The following PDLIM1 variants were observed in gnomAD, a reference collection of about 807,000 sequenced individuals.
The protein encoded by PDLIM1 is PDZ and LIM domain protein 1.
In PDLIM1, 25 loss-of-function variants were observed where a neutral mutation model predicts 35.2. The ratio of observed to expected loss-of-function variants is 0.71; its 90% CI spans 0.52 to 0.99. The LOEUF (loss-of-function observed/expected upper bound fraction) is 0.99. Ranked by LOEUF, PDLIM1 falls within the 50% of genes least tolerant of loss-of-function variation. PDLIM1 has a pLI of 0.00. For missense variants in PDLIM1, 363 were observed against 415.3 expected (o/e 0.87, Z 1.09); for synonymous variants, 152 against 154.0 (o/e 0.99, Z 0.10).
intron 4 of PDLIM1, among the ~76,000 whole-genome samples, chr10:95,250,373 C>T (rs2133415061): frequency 6.6e-6 from 1 of 151,722 alleles, no homozygotes; most frequent in Middle Eastern, 3.4e-3. Context: ...AAAAAACTTA[C>T]CATTTTTCTC....
intron 4 of PDLIM1, among the ~76,000 whole-genome samples, chr10:95,250,974 T>A (rs1438008352): frequency 6.6e-6 from 1 of 152,322 alleles, no homozygotes; most frequent in East Asian, 1.9e-4. Flanking sequence ...CGTAGGAGGA[T>A]CCTAGTGGTC....
At chr10:95,271,581 C>A in intron 2 of PDLIM1, 52 bp downstream of exon 2, 1 of 1,518,726 alleles carries the variant, frequency 6.6e-7, no homozygotes, top group Non-Finnish European at 8.9e-7. Context: ...TCCCTGCCCA[C>A]AAACAGCTTC....
At chr10:95,263,755 C>G in intron 4 of PDLIM1, 109 bp downstream of exon 4, 1 of 717,782 alleles carries the variant, frequency 1.4e-6, no homozygotes, top group Non-Finnish European at 2.3e-6. Flanking sequence ...CTAATGTAGT[C>G]ATTTTTCTCC....
intron 6 of PDLIM1, 45 bp downstream of exon 6, chr10:95,238,523 C>T (rs1589503536): frequency 8.3e-7 from 1 of 1,208,078 alleles, no homozygotes; most frequent in East Asian, 2.3e-5. Flanking sequence ...TCATGGTTTA[C>T]CCAACCTGCA....
In PDLIM1 at chr10:95,237,698, T is replaced by C. The variant is rs2035137571; in HGVS notation, c.*227A>G. Reference sequence around the variant, plus strand: ...AACGGTGGGGCGAAGGGACACAGTGTTGCTGACAAGGTGACACTGAACAAA... The same window carrying C: ...AACGGTGGGGCGAAGGGACACAGTGCTGCTGACAAGGTGACACTGAACAAA... On this transcript the variant is annotated 3_prime_UTR_variant, in exon 7 of 7. Transcript: ENST00000329399. 3.8e-6 allele frequency: 2 copies of C among 530,610 alleles called. No individual in the cohort carries two copies. Among genetic ancestry groups the C allele is most frequent in the Admixed American group, 6.5e-5 (2 of 30,582 alleles). 32.9% of individuals were successfully genotyped at this position (530,610 alleles called of 1,614,324 possible).
intron 4 of PDLIM1, among the ~76,000 whole-genome samples, chr10:95,248,103 C>T (rs2035238526): frequency 6.6e-6 from 1 of 152,200 alleles, no homozygotes; most frequent in Admixed American, 6.5e-5. Flanking sequence ...AAGCAGTGGA[C>T]GGTGACAGGG....
intron 3 of PDLIM1, among the ~76,000 whole-genome samples, chr10:95,266,952 C>T (rs1373042684): frequency 1.3e-5 from 2 of 152,166 alleles, no homozygotes; most frequent in Non-Finnish European, 2.9e-5. Context: ...CTATGCTGAC[C>T]TCAGATAAGC....
chr10:95,258,424 C>T (rs2035334738), intron 4 of PDLIM1, among the ~76,000 whole-genome samples: 1 of 152,012 alleles, frequency 6.6e-6, no homozygotes, highest in South Asian at 2.1e-4. Context: ...TTGCTTAAAC[C>T]TGGAGGGGCA....
At chr10:95,275,980 C>T (rs2035508386) in intron 1 of PDLIM1, among the ~76,000 whole-genome samples, 1 of 152,078 alleles carries the variant, frequency 6.6e-6, no homozygotes, top group Non-Finnish European at 1.5e-5. Flanking sequence ...AGAAATTACA[C>T]ATACAGATTA....
chr10:95,270,900 G>A (rs1164411651), intron 2 of PDLIM1, among the ~76,000 whole-genome samples: 1 of 151,470 alleles, frequency 6.6e-6, no homozygotes, highest in Non-Finnish European at 1.5e-5. Flanking sequence ...ACAGGTGCAC[G>A]CTACCACACC....
intron 1 of PDLIM1, chr10:95,273,410 G>A (rs1589517253): frequency 6.6e-6 from 1 of 152,228 alleles, no homozygotes; most frequent in African/African-American, 2.4e-5. Flanking sequence ...AGCAGCTACA[G>A]TTTCCGATTA....
chr10:95,269,487 GCTTA>G (rs2035443728), intron 2 of PDLIM1, among the ~76,000 whole-genome samples: 2 of 150,532 alleles, frequency 1.3e-5, no homozygotes, highest in Non-Finnish European at 2.9e-5. Context: ...CAGGAGACTT[GCTTA>G]AACCCAGGAG....
intron 4 of PDLIM1, among the ~76,000 whole-genome samples, chr10:95,259,872 G>A (rs1159626827): frequency 6.6e-6 from 1 of 152,202 alleles, no homozygotes; most frequent in Non-Finnish European, 1.5e-5. Context: ...GTTGGTTACA[G>A]GAGCTCTCCA....
In PDLIM1 at chr10:95,283,981, C is replaced by CTGTG. The variant is rs3979535; in HGVS notation, c.96+6835_96+6838dup. 5.0e-3 allele frequency among the ~76,000 whole-genome samples: 753 copies of CTGTG among 150,306 alleles called. 3 individuals carry two copies. Among genetic ancestry groups the CTGTG allele is most frequent in the African/African-American group, 0.017 (673 of 40,618 alleles). ...TCACTCTTAGGTATGGCCTTTTTCT[C>CTGTG]TGTGTGTGTGTGTGTGTGTGTGTGT... On this transcript the variant is annotated intron_variant, in intron 1 of 6. Coordinates refer to ENST00000329399, the MANE Select transcript of PDLIM1 (RefSeq NM_020992.4).
At chr10:95,250,393 T>C (rs2035257351) in intron 4 of PDLIM1, among the ~76,000 whole-genome samples, 1 of 151,812 alleles carries the variant, frequency 6.6e-6, no homozygotes, top group Non-Finnish European at 1.5e-5. Context: ...CAAATAATGA[T>C]AGTATCTTTA....
At chr10:95,240,277 G>A (rs1393261464) in intron 5 of PDLIM1, among the ~76,000 whole-genome samples, 1 of 152,208 alleles carries the variant, frequency 6.6e-6, no homozygotes, top group Non-Finnish European at 1.5e-5. Context: ...TAAAGAAAAT[G>A]TGGTACGTAT....
intron 4 of PDLIM1, among the ~76,000 whole-genome samples, chr10:95,251,919 G>A (rs914679533): frequency 4.6e-5 from 7 of 152,170 alleles, no homozygotes; most frequent in African/African-American, 1.2e-4. Flanking sequence ...GACATGGAGC[G>A]GAGGGCAGCA....
rs761352394 is a variant in PDLIM1, at chr10:95,238,704, T to C, written c.686-19A>G. On this transcript the variant is annotated intron_variant, in intron 5 of 6. Transcript: ENST00000329399. ...GGATCCCCTGAAATGAGGAAAACAC[T>C]GTCATTGGCCAGGAAGGGCAGAATT... 1.4e-6 allele frequency: 2 copies of C among 1,471,716 alleles called. No homozygotes were observed. Among genetic ancestry groups the C allele is most frequent in the African/African-American group, 2.8e-5 (2 of 72,486 alleles). The allele number at this position is 1,471,716 out of a possible 1,614,324, so 91.2% of individuals were successfully genotyped here.
chr10:95,283,651 T>C (rs2035577604), intron 1 of PDLIM1, among the ~76,000 whole-genome samples: 1 of 152,252 alleles, frequency 6.6e-6, no homozygotes, highest in African/African-American at 2.4e-5. Flanking sequence ...TACCTTATGC[T>C]TTCTGTAGGT....
Sources: gnomAD v4.1 joint callset for allele counts (sites outside exome capture counted in the v4.1 genomes callset) on GRCh38, gnomAD v4.1.1 for gene constraint, MANE v1.5 for transcripts, NCBI Gene and HGNC (gene_info 2026-07-23, HGNC 2026-07-21) for gene names.